TGM2: variants seen among roughly 807,000 people sequenced by gnomAD.
TGM2 encodes the protein transglutaminase 2.
Under a neutral mutation model 75.6 loss-of-function variants are expected in TGM2, and 53 were observed. The ratio of observed to expected loss-of-function variants is 0.70; its 90% CI spans 0.56 to 0.88. The LOEUF (loss-of-function observed/expected upper bound fraction) is 0.88, where lower values mean the gene tolerates loss of function less well. Ranked by LOEUF, TGM2 falls within the 40% of genes least tolerant of loss-of-function variation. The pLI is 0.00. For missense variants in TGM2, 842 were observed against 928.5 expected (o/e 0.91, Z 1.21); for synonymous variants, 374 against 381.1 (o/e 0.98, Z 0.22).
chr20:38,168,312 C>T (rs530324355), upstream of TGM2, among the ~76,000 whole-genome samples: 152 of 152,328 alleles, frequency 1.0e-3, 1 homozygote, highest in Non-Finnish European at 1.8e-3. Flanking sequence ...ACCCTTGCCC[C>T]TCTCTGGGTT....
chr20:38,160,597 C>T (rs922702436), intron 2 of TGM2, among the ~76,000 whole-genome samples: 1 of 152,038 alleles, frequency 6.6e-6, no homozygotes, highest in Non-Finnish European at 1.5e-5. Flanking sequence ...GCCCAGCCTG[C>T]GCTAGAATCC....
At position 38,136,251 on chromosome 20, in the gene TGM2, G is replaced by A. The variant is rs45527332; in HGVS notation, c.1615+1862C>T. Among the ~76,000 whole-genome samples the A allele has an allele frequency of 6.6e-3, 1,004 of 152,270 alleles. 10 individuals carry two copies. The highest frequency in any genetic ancestry group is 0.022 in the African/African-American group (934 of 41,530). On this transcript the variant is annotated intron_variant, in intron 10 of 12. Transcript: ENST00000361475. The stretch of plus-strand genomic sequence containing the variant: ...TGTCAACACTGCAGACGCCCCGCCC[G>A]CAACACAGACCTGCTTTCTTAGGAG...
At chr20:38,139,800 C>T (rs2074948881) in intron 8 of TGM2, 146 bp from the exon 9 acceptor site, 1 of 1,081,460 alleles carries the variant, frequency 9.2e-7, no homozygotes, top group Non-Finnish European at 1.3e-6. Context: ...CAGGAGGGCA[C>T]CACAGGGCAA....
rs1457426013 is a variant in TGM2 at position 38,149,690 on chromosome 20, A to AAAAAAAAAAAAAC, written c.552+1248_552+1249insGTTTTTTTTTTTT. Among the ~76,000 whole-genome samples, 510 of 148,874 alleles carry AAAAAAAAAAAAAC rather than the reference A, an allele frequency of 3.4e-3. 12 individuals carry two copies. Among genetic ancestry groups the AAAAAAAAAAAAAC allele is most frequent in the African/African-American group, 0.012 (487 of 39,294 alleles). On this transcript the variant is annotated intron_variant, in intron 4 of 12. Transcript: ENST00000361475. Reference sequence around the variant, plus strand: ...CGAGACTCCGCCTCAAAAAAAAAAAAAAAAAAAAAAACAGGACCCTGGGAA... The same window carrying AAAAAAAAAAAAAC: ...CGAGACTCCGCCTCAAAAAAAAAAAAAAAAAAAAAAAACAAAAAAAAAAACAGGACCCTGGGAA...
rs148951551 is a variant in TGM2 at position 38,130,359 on chromosome 20, C to G, written c.1924G>C (p.Val642Leu). ...ACCTTAACTTCCTCCCCTGCCTCCA[C>G]GGGGTCTGGGCTGCAGGGAGAGAGG... ...EQKTVEIPDP[V>L]EAGEEVKVRM... Residue 642 changes from valine (V) to leucine (L), a missense_variant, in exon 13 of 13, where the codon GTG becomes CTG. Val to Leu is a conservative substitution (Grantham distance 32). Coordinates refer to ENST00000361475, the MANE Select transcript of TGM2 (RefSeq NM_004613.4). 8.7e-5 allele frequency: 139 copies of G among 1,592,672 alleles called. No individual in the cohort carries two copies. The African/African-American group carries it at 1.5e-3, about 17-fold the overall frequency.
At chr20:38,137,319 T>C (rs576261655) in intron 10 of TGM2, among the ~76,000 whole-genome samples, 6 of 152,216 alleles carry the variant, frequency 3.9e-5, no homozygotes, top group South Asian at 4.1e-4. Flanking sequence ...ATCCCATCTC[T>C]ACTAAAAACA....
At chr20:38,134,263 T>C (rs1363899312) in intron 10 of TGM2, among the ~76,000 whole-genome samples, 1 of 152,178 alleles carries the variant, frequency 6.6e-6, no homozygotes, top group African/African-American at 2.4e-5. Flanking sequence ...TGGCCTTTCA[T>C]TCCCTGGGTG....
intron 2 of TGM2, among the ~76,000 whole-genome samples, chr20:38,158,853 C>T (rs1568702733): frequency 6.6e-6 from 1 of 152,148 alleles, no homozygotes; most frequent in East Asian, 1.9e-4. Flanking sequence ...TTGAGCCGGG[C>T]GCTGACCCAG....
At position 38,156,011 on chromosome 20, in the gene TGM2, G is replaced by A; in HGVS notation, c.269C>T (p.Ala90Val). ...RDAVEEGDWT[A>V]TVVDQQDCTL... ...GCAGTCTTGCTGGTCCACCACGGTGGCTGTCCAGTCACCCTCCTCCACAGC... is the reference window on the plus strand; with the variant it reads ...GCAGTCTTGCTGGTCCACCACGGTGACTGTCCAGTCACCCTCCTCCACAGC... The change falls in exon 3 of 13, where the codon GCC becomes GTC. Residue 90 changes from alanine to valine, a missense_variant. Coordinates refer to ENST00000361475, the MANE Select transcript of TGM2 (RefSeq NM_004613.4). 1 of 1,613,800 alleles carries A rather than the reference G, an allele frequency of 6.2e-7. No homozygotes were observed. The highest frequency in any genetic ancestry group is 8.5e-7 in the Non-Finnish European group (1 of 1,179,966).
rs2074782055 is a variant in TGM2, at chr20:38,127,834, T to C, written c.*2385A>G. ...AATGTGGTCACTAGAAAATTCTAAATTACATATGTGGCTTGCATTTGTGGC... is the reference window on the plus strand; with the variant it reads ...AATGTGGTCACTAGAAAATTCTAAACTACATATGTGGCTTGCATTTGTGGC... On this transcript the variant is annotated 3_prime_UTR_variant, in exon 13 of 13. Transcript: ENST00000361475. 2 of 152,238 alleles carry C rather than the reference T, an allele frequency of 1.3e-5. No individual in the cohort carries two copies. The highest frequency in any genetic ancestry group is 1.3e-4 in the Admixed American group (2 of 15,274). The allele number at this position is 152,238 out of a possible 1,614,324, so 9.4% of individuals were successfully genotyped here. A position where few individuals can be genotyped will look rare whatever the true frequency, so the allele number is the denominator to read the frequency against.
At chr20:38,140,072 C>G (rs1048628810) in intron 8 of TGM2, among the ~76,000 whole-genome samples, 6 of 152,236 alleles carry the variant, frequency 3.9e-5, no homozygotes, top group African/African-American at 1.4e-4. Flanking sequence ...CAAGGACAGG[C>G]AACATGTTAG....
At chr20:38,133,021 G>A (rs552649923) in intron 10 of TGM2, 6 of 362,378 alleles carry the variant, frequency 1.7e-5, no homozygotes, top group East Asian at 1.5e-4. Context: ...AGGCTTGTAC[G>A]TGTATTACCA....
chr20:38,157,051 G>C (rs1179454073), intron 2 of TGM2, among the ~76,000 whole-genome samples: 1 of 152,238 alleles, frequency 6.6e-6, no homozygotes. Flanking sequence ...GGAGGGGCTG[G>C]TCACTTTCTG....
chr20:38,147,562 G>A (rs149685964), intron 5 of TGM2, among the ~76,000 whole-genome samples: 7 of 152,202 alleles, frequency 4.6e-5, no homozygotes, highest in East Asian at 1.9e-4. Flanking sequence ...CCTTCAGAGC[G>A]TGCACCATCA....
Position 38,139,454 on chromosome 20 carries a change from C to T in TGM2, c.1300G>A (p.Asp434Asn). Residue 434 changes from aspartate (D) to asparagine (N), a missense_variant, in exon 9 of 13, where the codon GAC becomes AAC. Coordinates refer to ENST00000361475, the MANE Select transcript of TGM2 (RefSeq NM_004613.4). ...GTGTGGGTGATATCCTCCCGCTCGT[C>T]TCGGCCCACGCTCTTAGTGCTGATC... ...LKISTKSVGR[D>N]EREDITHTYK... 6.2e-7 allele frequency: 1 copy of T among 1,614,206 alleles called. No homozygotes were observed. Among genetic ancestry groups the T allele is most frequent in the Non-Finnish European group, 8.5e-7 (1 of 1,180,038 alleles).
In TGM2 at chr20:38,147,950, C is replaced by A; in HGVS notation, c.681+11G>T. On this transcript the variant is annotated intron_variant, in intron 5 of 12. Transcript: ENST00000361475. ...GGCCCCGCCCCTGGATGGGCCATGC[C>A]ACTCACTCACCATGCCACTCACCAC... The A allele has an allele frequency of 6.2e-7, 1 of 1,607,688 alleles. No homozygotes were observed. Among genetic ancestry groups the A allele is most frequent in the South Asian group, 1.1e-5 (1 of 90,130 alleles).
intron 2 of TGM2, 34 bp downstream of exon 2, chr20:38,161,386 G>A (rs45555039): frequency 1.4e-5 from 22 of 1,610,986 alleles, no homozygotes; most frequent in Middle Eastern, 1.7e-4. Flanking sequence ...GGTGGTGGTG[G>A]TGGTGGTGGT....
chr20:38,141,399 G>A lies in TGM2; in HGVS notation c.996-14C>T, dbSNP rs560966988. The A allele has an allele frequency of 2.6e-6, 4 of 1,557,696 alleles. No individual in the cohort carries two copies. Among genetic ancestry groups the A allele is most frequent in the Admixed American group, 1.9e-5 (1 of 52,506 alleles). The stretch of plus-strand genomic sequence containing the variant: ...CAGTGGAAGTTCCTGAGGGGGATAG[G>A]GGGGCGGGAATGAAGCAGAACATGA... On this transcript the variant is annotated splice_polypyrimidine_tract_variant and intron_variant, in intron 7 of 12. Transcript: ENST00000361475.
At chr20:38,148,526 C>T (rs1475010432) in intron 4 of TGM2, among the ~76,000 whole-genome samples, 1 of 152,208 alleles carries the variant, frequency 6.6e-6, no homozygotes, top group Non-Finnish European at 1.5e-5. Context: ...CCCCTCCAAC[C>T]CAGCCCACAC....
Sources: allele counts gnomAD v4.1 joint callset (sites outside exome capture counted in the v4.1 genomes callset), GRCh38; gene constraint gnomAD v4.1.1; transcripts MANE v1.5; gene names NCBI Gene and HGNC (gene_info 2026-07-23, HGNC 2026-07-21).